The following KCNIP4 variants were observed in gnomAD, a reference collection of about 807,000 sequenced individuals.
KCNIP4 encodes potassium voltage-gated channel interacting protein 4, also known as Kv channel-interacting protein 4.
A neutral mutation model predicts 34.0 loss-of-function variants in KCNIP4; 12 were observed. That is an observed-to-expected ratio of 0.35 (90% CI 0.23 to 0.57). KCNIP4 has a LOEUF of 0.57. KCNIP4 is among the 20% of genes least tolerant of loss of function. The pLI, the probability that KCNIP4 is intolerant of heterozygous loss-of-function variation, is 0.83. For synonymous variants in KCNIP4, 124 were observed against 102.2 expected (o/e 1.21, Z -1.29); for missense variants, 238 against 311.7 (o/e 0.76, Z 1.78).
At chr4:21,157,232 A>G (rs1753203243) in intron 1 of KCNIP4, among the ~76,000 whole-genome samples, 1 of 152,178 alleles carries the variant, frequency 6.6e-6, no homozygotes, top group Non-Finnish European at 1.5e-5. Context: ...AATTCAATCA[A>G]GAACTATGTA....
intron 1 of KCNIP4, among the ~76,000 whole-genome samples, chr4:21,421,174 C>T (rs888411768): frequency 6.6e-6 from 1 of 152,086 alleles, no homozygotes; most frequent in Admixed American, 6.5e-5. Flanking sequence ...GGAACACTTG[C>T]ACACTGTTGG....
chr4:21,345,603 G>C (rs974334851), intron 1 of KCNIP4, among the ~76,000 whole-genome samples: 13 of 152,216 alleles, frequency 8.5e-5, no homozygotes, highest in Admixed American at 7.9e-4. Flanking sequence ...TAGAGCTGTA[G>C]AAATAAGGAA....
chr4:21,114,878 A>G (rs1412517762), intron 1 of KCNIP4, among the ~76,000 whole-genome samples: 2 of 152,222 alleles, frequency 1.3e-5, no homozygotes, highest in African/African-American at 2.4e-5. Flanking sequence ...ACTTGGCAGC[A>G]GTATAAAGTC....
At chr4:21,757,198 G>GGAAA (rs1184733064) in intron 1 of KCNIP4, among the ~76,000 whole-genome samples, 3 of 39,560 alleles carry the variant, frequency 7.6e-5, no homozygotes, top group East Asian at 1.1e-3. Context: ...AAGGAAGGAA[G>GGAAA]GAAAGAAAGA....
At chr4:20,920,790 G>C (rs1250129849) in intron 1 of KCNIP4, among the ~76,000 whole-genome samples, 1 of 152,154 alleles carries the variant, frequency 6.6e-6, no homozygotes, top group East Asian at 1.9e-4. Context: ...AGGAGTTCGA[G>C]ACCAGCCTGG....
At chr4:21,081,602 T>C (rs1013480068) in intron 1 of KCNIP4, among the ~76,000 whole-genome samples, 1 of 151,900 alleles carries the variant, frequency 6.6e-6, no homozygotes, top group African/African-American at 2.4e-5. Flanking sequence ...ATTTATTTAT[T>C]GGCTCTGATA....
intron 3 of KCNIP4, among the ~76,000 whole-genome samples, chr4:20,823,180 C>A (rs1717323439): frequency 6.6e-6 from 1 of 151,932 alleles, no homozygotes; most frequent in African/African-American, 2.4e-5. Context: ...GTTATAGCAT[C>A]AGGAACAGAC....
At chr4:21,023,174 A>G (rs1740225415) in intron 1 of KCNIP4, among the ~76,000 whole-genome samples, 1 of 152,194 alleles carries the variant, frequency 6.6e-6, no homozygotes, top group Non-Finnish European at 1.5e-5. Flanking sequence ...AAAACAATGA[A>G]GACATTAACT....
chr4:21,113,800 AC>A (rs1326840154), intron 1 of KCNIP4, among the ~76,000 whole-genome samples: 2 of 152,204 alleles, frequency 1.3e-5, no homozygotes, highest in Non-Finnish European at 2.9e-5. Context: ...AACCATAAAA[AC>A]ACAAGGCGTT....
At chr4:21,536,133 C>T (rs751922406) in intron 1 of KCNIP4, among the ~76,000 whole-genome samples, 2 of 152,038 alleles carry the variant, frequency 1.3e-5, no homozygotes, top group South Asian at 2.1e-4. Context: ...GGCTTCATTG[C>T]GTCAGGAATG....
At chr4:21,581,899 A>G (rs1741231409) in intron 1 of KCNIP4, among the ~76,000 whole-genome samples, 1 of 151,944 alleles carries the variant, frequency 6.6e-6, no homozygotes, top group Non-Finnish European at 1.5e-5. Flanking sequence ...TTAATGGGTC[A>G]TGAACCCAAT....
At chr4:21,786,142 T>C (rs1004145777) in intron 1 of KCNIP4, among the ~76,000 whole-genome samples, 11 of 152,138 alleles carry the variant, frequency 7.2e-5, no homozygotes, top group African/African-American at 2.7e-4. Flanking sequence ...AGAGATGGGG[T>C]TTCACCATAT....
intron 1 of KCNIP4, among the ~76,000 whole-genome samples, chr4:21,028,183 C>T (rs1341448474): frequency 6.6e-6 from 1 of 152,086 alleles, no homozygotes; most frequent in Non-Finnish European, 1.5e-5. Flanking sequence ...CCCCAATTGT[C>T]ACTGTCCTGA....
At chr4:21,272,336 TA>T (rs1481607609) in intron 1 of KCNIP4, among the ~76,000 whole-genome samples, 3 of 152,198 alleles carry the variant, frequency 2.0e-5, no homozygotes, top group Non-Finnish European at 4.4e-5. Flanking sequence ...TATTCATATA[TA>T]AAAACAACAC....
intron 1 of KCNIP4, among the ~76,000 whole-genome samples, chr4:21,935,295 T>C (rs1327548384): frequency 6.6e-6 from 1 of 152,052 alleles, no homozygotes; most frequent in Admixed American, 6.6e-5. Flanking sequence ...AATCTTTCAT[T>C]TACATCAGAC....
intron 1 of KCNIP4, among the ~76,000 whole-genome samples, chr4:21,224,797 G>A (rs1001748806): frequency 3.3e-5 from 5 of 151,712 alleles, no homozygotes; most frequent in South Asian, 4.2e-4. Context: ...ATGTTGGCCA[G>A]GCTGCTCTTG....
At position 21,810,685 on chromosome 4, in the gene KCNIP4, G is replaced by A. The variant is rs1463861386; in HGVS notation, c.61+137886C>T. Among the ~76,000 whole-genome samples, 175 of 57,222 alleles carry A rather than the reference G, an allele frequency of 3.1e-3. 1 individual carries two copies. The highest frequency in any genetic ancestry group is 4.2e-3 in the Non-Finnish European group (139 of 32,780). The allele number at this position is 57,222 out of a possible 152,430, so 37.5% of individuals were successfully genotyped here. A position where few individuals can be genotyped will look rare whatever the true frequency, so the allele number is the denominator to read the frequency against. On this transcript the variant is annotated intron_variant, in intron 1 of 8. Coordinates refer to ENST00000382152, the MANE Select transcript of KCNIP4 (RefSeq NM_025221.6). Reference sequence around the variant, plus strand: ...AGCCTGGGCGACAGAGCGAGACTCCGTCTCAAAAAAAAAAAAAAAAAAAAA... The same window carrying A: ...AGCCTGGGCGACAGAGCGAGACTCCATCTCAAAAAAAAAAAAAAAAAAAAA...
At chr4:20,860,246 T>G (rs981390816) in intron 2 of KCNIP4, among the ~76,000 whole-genome samples, 3 of 152,136 alleles carry the variant, frequency 2.0e-5, no homozygotes, top group African/African-American at 7.2e-5. Flanking sequence ...TTAAAGCGAT[T>G]CTCCTGGCTC....
intron 1 of KCNIP4, chr4:21,853,335 C>T (rs889060987): frequency 6.6e-6 from 1 of 152,148 alleles, no homozygotes; most frequent in Admixed American, 6.5e-5. Context: ...GTAGGCAAAA[C>T]ACCGGTCTGG....
Sources: allele counts gnomAD v4.1 joint callset (sites outside exome capture counted in the v4.1 genomes callset), GRCh38; gene constraint gnomAD v4.1.1; transcripts MANE v1.5; gene names NCBI Gene and HGNC (gene_info 2026-07-23, HGNC 2026-07-21).